Variants in KATNAL2 observed in about 807,000 individuals in gnomAD.
KATNAL2 encodes katanin catalytic subunit A1 like 2, also known as katanin p60 ATPase-containing subunit A-like 2.
A neutral mutation model predicts 76.3 loss-of-function variants in KATNAL2; 52 were observed. That is an observed-to-expected ratio of 0.68 (90% CI 0.55 to 0.86). The LOEUF is 0.86. Among genes scored for constraint, KATNAL2 ranks in the 40% least tolerant of loss-of-function variants. The pLI is 0.00. For missense variants in KATNAL2, 660 were observed against 668.9 expected, an observed-to-expected ratio of 0.99 and a Z score of 0.15; for synonymous variants, 243 against 244.2, an observed-to-expected ratio of 1.00 and a Z score of 0.05.
rs547418403 is a variant in KATNAL2 at position 47,057,471 on chromosome 18, A to G, written c.333-764A>G. The stretch of plus-strand genomic sequence containing the variant: ...ACATATATACAGTCATACCACATAT[A>G]TAACTATGTATACAGTAAATGTATA... On this transcript the variant is annotated intron_variant, in intron 6 of 17. Coordinates refer to ENST00000683218, the MANE Select transcript of KATNAL2 (RefSeq NM_001387690.1). Among the ~76,000 whole-genome samples, 223 of 152,354 alleles carry G rather than the reference A, an allele frequency of 1.5e-3. 3 individuals are homozygous for G. Among genetic ancestry groups the G allele is most frequent in the Non-Finnish European group, 7.3e-4 (50 of 68,028 alleles).
intron 13 of KATNAL2, among the ~76,000 whole-genome samples, chr18:47,069,871 A>G (rs1177698498): frequency 6.6e-5 from 10 of 151,664 alleles, no homozygotes; most frequent in East Asian, 3.9e-4. Flanking sequence ...AAGCTGGGGG[A>G]AAAAAATCTC....
At chr18:47,098,285 AAG>A (rs1185675314) in intron 15 of KATNAL2, 1 of 297,298 alleles carries the variant, frequency 3.4e-6, no homozygotes, top group Non-Finnish European at 6.8e-6. Context: ...CAAGACTGGG[AAG>A]AAAAAAAAAT....
chr18:47,034,569 C>T (rs1170739754), intron 3 of KATNAL2: 1 of 1,614,108 alleles, frequency 6.2e-7, no homozygotes, highest in Admixed American at 1.7e-5. Context: ...GGCGTTTTTC[C>T]TGGCGAGACG....
rs974651102 is a variant in KATNAL2 at position 47,054,358 on chromosome 18, A to C, written c.290-38A>C. 1.9e-6 allele frequency: 3 copies of C among 1,577,794 alleles called. No homozygotes were observed. The African/African-American group carries it at 4.0e-5, about 21-fold the overall frequency. On this transcript the variant is annotated intron_variant, in intron 5 of 17. Transcript: ENST00000683218. ...AAAAAATCACTTTGTCACTCTTAAA[A>C]TTATTTTCTTTCCCTCCCAATGTCT...
chr18:47,055,136 G>A (rs1030657883), intron 6 of KATNAL2, among the ~76,000 whole-genome samples: 9 of 151,912 alleles, frequency 5.9e-5, no homozygotes, highest in Non-Finnish European at 1.2e-4. Flanking sequence ...CATTCCTCTC[G>A]CCCCACTCCC....
intron 4 of KATNAL2, among the ~76,000 whole-genome samples, chr18:47,048,852 T>TTTTTTTTTA (rs2061247792): frequency 6.8e-6 from 1 of 146,762 alleles, no homozygotes; most frequent in African/African-American, 2.6e-5. Context: ...TTTTTTTTTT[T>TTTTTTTTTA]GAGACGGAGT....
chr18:46,943,847 C>T (rs1453181008), intron 1 of KATNAL2, among the ~76,000 whole-genome samples: 1 of 152,204 alleles, frequency 6.6e-6, no homozygotes, highest in Non-Finnish European at 1.5e-5. Flanking sequence ...TTCTACCTCC[C>T]AACTTAGTGA....
chr18:46,950,405 C>T (rs2059517041), intron 3 of KATNAL2, among the ~76,000 whole-genome samples: 2 of 152,142 alleles, frequency 1.3e-5, no homozygotes, highest in Non-Finnish European at 2.9e-5. Context: ...GTCCACAAGA[C>T]ATTCTGATTA....
Position 46,949,444 on chromosome 18 carries a change from A to T in KATNAL2, c.51+2521A>T, listed in dbSNP as rs1458009697. Among the ~76,000 whole-genome samples the T allele has an allele frequency of 9.9e-5, 15 of 151,798 alleles. No homozygotes were observed. In the East Asian group the frequency reaches 2.7e-3, roughly 27 times the overall value. On this transcript the variant is annotated intron_variant, in intron 3 of 17. Coordinates refer to ENST00000683218, the MANE Select transcript of KATNAL2 (RefSeq NM_001387690.1). ...AATTTTGTATTTTTTGTAGAGTTTC[A>T]CCATGTTGCCTGGGCTGGTCTCAAA...
chr18:46,955,803 T>G (rs1203779530), intron 3 of KATNAL2, among the ~76,000 whole-genome samples: 1 of 152,200 alleles, frequency 6.6e-6, no homozygotes, highest in African/African-American at 2.4e-5. Flanking sequence ...TCCTCCCACT[T>G]CAGCCTTCCA....
At chr18:46,933,701 A>G (rs1022382716) in intron 1 of KATNAL2, among the ~76,000 whole-genome samples, 1 of 150,384 alleles carries the variant, frequency 6.6e-6, no homozygotes, top group African/African-American at 2.5e-5. Flanking sequence ...CAGGTTTGTT[A>G]CATATGTATA....
chr18:47,054,319 G>A, intron 5 of KATNAL2, 77 bp from the exon 6 acceptor site: 2 of 1,283,426 alleles, frequency 1.6e-6, no homozygotes, highest in Non-Finnish European at 2.3e-6. Flanking sequence ...TGCAAAAAGG[G>A]GAAACATACC....
chr18:47,039,061 T>A (rs1372201512), intron 3 of KATNAL2, among the ~76,000 whole-genome samples: 1 of 152,172 alleles, frequency 6.6e-6, no homozygotes, highest in African/African-American at 2.4e-5. Flanking sequence ...TAACCAGTTC[T>A]TTTACCCCCA....
At chr18:47,062,298 C>T (rs1169455251) in intron 8 of KATNAL2, among the ~76,000 whole-genome samples, 3 of 151,712 alleles carry the variant, frequency 2.0e-5, no homozygotes, top group Non-Finnish European at 4.4e-5. Context: ...GTGGGAGGAT[C>T]CCTTGAGCCC....
chr18:47,033,434 G>C, intron 3 of KATNAL2: 2 of 1,613,808 alleles, frequency 1.2e-6, no homozygotes, highest in Non-Finnish European at 1.7e-6. Context: ...GCGTCCGGAA[G>C]CCGCAGGTAC....
At chr18:46,932,117 T>A (rs1321625767) in intron 1 of KATNAL2, among the ~76,000 whole-genome samples, 3 of 151,982 alleles carry the variant, frequency 2.0e-5, no homozygotes, top group African/African-American at 7.2e-5. Flanking sequence ...TTCACTGTGT[T>A]AGCCAGGATG....
At chr18:46,919,826 C>T (rs1021922295) in intron 1 of KATNAL2, among the ~76,000 whole-genome samples, 4 of 152,134 alleles carry the variant, frequency 2.6e-5, no homozygotes, top group South Asian at 2.1e-4. Context: ...TTGTGATCTT[C>T]GCTTGGCTTA....
intron 15 of KATNAL2, 31 bp from the exon 16 acceptor site, chr18:47,099,212 C>A: frequency 1.3e-6 from 2 of 1,582,356 alleles, no homozygotes; most frequent in African/African-American, 1.3e-5. Context: ...GTTTGCAGCC[C>A]TGTCCAGCTC....
chr18:46,939,863 A>T (rs928160783), intron 1 of KATNAL2, among the ~76,000 whole-genome samples: 2 of 152,166 alleles, frequency 1.3e-5, no homozygotes, highest in African/African-American at 4.8e-5. Flanking sequence ...TGGCTTAATG[A>T]CATAGGTTAC....
Sources: allele counts gnomAD v4.1 joint callset (sites outside exome capture counted in the v4.1 genomes callset), GRCh38; gene constraint gnomAD v4.1.1; transcripts MANE v1.5; gene names NCBI Gene and HGNC (gene_info 2026-07-23, HGNC 2026-07-21).